Variants in NKAIN2 observed in about 807,000 individuals in gnomAD.
NKAIN2 encodes the protein sodium/potassium transporting ATPase interacting 2, also known as sodium/potassium-transporting ATPase subunit beta-1-interacting protein 2.
NKAIN2 carries 14 observed loss-of-function variants against 32.6 expected under a neutral mutation model. That is an observed-to-expected ratio of 0.43 (90% CI 0.28 to 0.67). The LOEUF (loss-of-function observed/expected upper bound fraction) is 0.67, where lower values mean the gene tolerates loss of function less well. Among genes scored for constraint, NKAIN2 ranks in the 30% least tolerant of loss-of-function variants. The pLI, the probability that NKAIN2 is intolerant of heterozygous loss-of-function variation, is 0.17. For synonymous variants in NKAIN2, 80 were observed against 87.2 expected, an observed-to-expected ratio of 0.92 and a Z score of 0.46; for missense variants, 198 against 258.3, an observed-to-expected ratio of 0.77 and a Z score of 1.60.
intron 4 of NKAIN2, among the ~76,000 whole-genome samples, chr6:124,700,558 C>G (rs1774727304): frequency 6.6e-6 from 1 of 152,028 alleles, no homozygotes; most frequent in Non-Finnish European, 1.5e-5. Context: ...CAGCTTTCTT[C>G]AAAAATGAAC....
intron 1 of NKAIN2, among the ~76,000 whole-genome samples, chr6:124,176,912 T>G (rs1789183546): frequency 6.6e-6 from 1 of 152,118 alleles, no homozygotes; most frequent in African/African-American, 2.4e-5. Flanking sequence ...CTATTAACTT[T>G]TACCCATCTT....
At chr6:123,859,602 G>T (rs145557470) in intron 1 of NKAIN2, among the ~76,000 whole-genome samples, 2 of 152,278 alleles carry the variant, frequency 1.3e-5, no homozygotes, top group Non-Finnish European at 2.9e-5. Context: ...TCCATCCATT[G>T]GTCCTGTTAT....
chr6:124,127,799 A>G (rs188301883), intron 1 of NKAIN2, among the ~76,000 whole-genome samples: 22 of 152,166 alleles, frequency 1.4e-4, no homozygotes, highest in African/African-American at 3.9e-4. Context: ...AGAAGGCCCC[A>G]TCAGGAGAGT....
chr6:124,409,382 T>G lies in NKAIN2; in HGVS notation c.273+54035T>G, dbSNP rs553643817. Among the ~76,000 whole-genome samples the G allele has an allele frequency of 3.9e-5, 6 of 152,276 alleles. No individual in the cohort carries two copies. In the South Asian group the frequency reaches 1.2e-3, roughly 32 times the overall value. On this transcript the variant is annotated intron_variant, in intron 3 of 6. Coordinates refer to ENST00000368417, the MANE Select transcript of NKAIN2 (RefSeq NM_001040214.3). The stretch of plus-strand genomic sequence containing the variant: ...AGATACGTCCCATCAATAACTAATT[T>G]ATTGAGAGTTTTTAGCATGAAGGGT...
chr6:124,223,684 G>A (rs546547428), intron 1 of NKAIN2, among the ~76,000 whole-genome samples: 27 of 152,156 alleles, frequency 1.8e-4, no homozygotes, highest in African/African-American at 6.3e-4. Flanking sequence ...TTCTTGATTT[G>A]TTTATTTTGT....
chr6:124,708,996 A>T (rs1353648915), intron 4 of NKAIN2, among the ~76,000 whole-genome samples: 2 of 145,392 alleles, frequency 1.4e-5, no homozygotes, highest in African/African-American at 5.3e-5. Flanking sequence ...AGCTCTTATG[A>T]TTTTGAGATA....
chr6:124,046,426 G>A (rs755372550), intron 1 of NKAIN2, among the ~76,000 whole-genome samples: 1 of 151,922 alleles, frequency 6.6e-6, no homozygotes, highest in Non-Finnish European at 1.5e-5. Flanking sequence ...GAATCACAGT[G>A]CACATTAGTT....
chr6:124,722,350 T>A (rs1200628682), intron 4 of NKAIN2, among the ~76,000 whole-genome samples: 7 of 152,206 alleles, frequency 4.6e-5, no homozygotes, highest in Admixed American at 4.6e-4. Flanking sequence ...AATTGCTAGA[T>A]GATACAGCAT....
intron 1 of NKAIN2, among the ~76,000 whole-genome samples, chr6:123,911,801 G>GTGTATATATATATATATA (rs1491517731): frequency 1.7e-5 from 1 of 58,400 alleles, no homozygotes; most frequent in African/African-American, 7.3e-5. Flanking sequence ...ATATATATAT[G>GTGTATATATATATATATA]TATATATATA....
At chr6:124,360,425 T>C (rs933003020) in intron 3 of NKAIN2, among the ~76,000 whole-genome samples, 29 of 152,272 alleles carry the variant, frequency 1.9e-4, no homozygotes, top group African/African-American at 6.0e-4. Flanking sequence ...ACATTCATAT[T>C]GAAATGACTT....
intron 1 of NKAIN2, among the ~76,000 whole-genome samples, chr6:123,920,611 G>C (rs776089182): frequency 6.6e-6 from 1 of 151,976 alleles, no homozygotes; most frequent in Non-Finnish European, 1.5e-5. Flanking sequence ...CACCATCATT[G>C]TTTTGTCCAC....
chr6:124,007,392 C>T (rs1562304924), intron 1 of NKAIN2, among the ~76,000 whole-genome samples: 6 of 152,142 alleles, frequency 3.9e-5, no homozygotes, highest in African/African-American at 7.2e-5. Context: ...TTGAGATTGC[C>T]ACCAATGAGT....
chr6:124,021,823 C>A (rs1443143697), intron 1 of NKAIN2, among the ~76,000 whole-genome samples: 3 of 152,062 alleles, frequency 2.0e-5, no homozygotes. Flanking sequence ...ATTATATTAA[C>A]TAGGTTTGCA....
At chr6:123,841,440 G>C (rs1774864788) in intron 1 of NKAIN2, among the ~76,000 whole-genome samples, 1 of 152,174 alleles carries the variant, frequency 6.6e-6, no homozygotes, top group Non-Finnish European at 1.5e-5. Flanking sequence ...GGAGTGACTT[G>C]CTTTATAACA....
chr6:124,417,634 T>C (rs1774555781), intron 3 of NKAIN2, among the ~76,000 whole-genome samples: 1 of 152,196 alleles, frequency 6.6e-6, no homozygotes, highest in South Asian at 2.1e-4. Context: ...AAAATCTTTG[T>C]ATCTGAGCCC....
intron 1 of NKAIN2, among the ~76,000 whole-genome samples, chr6:123,918,014 A>G (rs1025777858): frequency 1.3e-5 from 2 of 152,130 alleles, no homozygotes; most frequent in African/African-American, 4.8e-5. Flanking sequence ...CATATTGAAA[A>G]CGATTATACT....
At chr6:123,851,376 A>C (rs1376808076) in intron 1 of NKAIN2, among the ~76,000 whole-genome samples, 2 of 113,716 alleles carry the variant, frequency 1.8e-5, no homozygotes, top group Non-Finnish European at 4.1e-5. Context: ...CAGCCTCCTG[A>C]GTAGCTGGGA....
At chr6:124,073,476 G>T (rs1181754836) in intron 1 of NKAIN2, among the ~76,000 whole-genome samples, 1 of 152,052 alleles carries the variant, frequency 6.6e-6, no homozygotes, top group African/African-American at 2.4e-5. Flanking sequence ...GGAACAATTT[G>T]CTGAGCTATG....
At chr6:124,051,259 G>A (rs1289022221) in intron 1 of NKAIN2, among the ~76,000 whole-genome samples, 1 of 151,922 alleles carries the variant, frequency 6.6e-6, no homozygotes, top group Non-Finnish European at 1.5e-5. Context: ...TCTCCCAGGT[G>A]CTTAGAGCTT....
Sources: gnomAD v4.1 joint callset for allele counts (sites outside exome capture counted in the v4.1 genomes callset) on GRCh38, gnomAD v4.1.1 for gene constraint, MANE v1.5 for transcripts, NCBI Gene and HGNC (gene_info 2026-07-23, HGNC 2026-07-21) for gene names.